GRK7: variants seen among roughly 807,000 people sequenced by gnomAD.
The protein encoded by GRK7 is G protein-coupled receptor kinase 7.
Under a neutral mutation model 34.1 loss-of-function variants are expected in GRK7, and 24 were observed. That is an observed-to-expected ratio of 0.70 (90% CI 0.51 to 0.99). GRK7 has a LOEUF of 0.99. Ranked by LOEUF, GRK7 falls within the 50% of genes least tolerant of loss-of-function variation. The probability of loss-of-function intolerance (pLI) is 0.00; values close to 1 mark genes in which losing one functional copy is unlikely to be tolerated. For synonymous variants in GRK7, 256 were observed against 279.4 expected, an observed-to-expected ratio of 0.92 and a Z score of 0.84; for missense variants, 644 against 707.3, an observed-to-expected ratio of 0.91 and a Z score of 1.02.
At chr3:141,793,360 G>T (rs2084734513) in intron 4 of GRK7, among the ~76,000 whole-genome samples, 1 of 152,178 alleles carries the variant, frequency 6.6e-6, no homozygotes, top group Non-Finnish European at 1.5e-5. Flanking sequence ...TAATGGATTT[G>T]AATTAGAGGA....
Position 141,807,920 on chromosome 3 carries a change from G to GAA in GRK7, c.1325+1_1325+2insAA. On this transcript the variant is annotated splice_donor_variant, in intron 5 of 5. Coordinates refer to ENST00000682958, the MANE Select transcript of GRK7 (RefSeq NM_139209.3). LOFTEE classifies it high-confidence loss of function. ...AACCAGAGCAACGCTTAGGAAGCAG[G>GAA]TAAACTAGCATGTAACAGAGAGGAT... The GAA allele has an allele frequency of 6.4e-7, 1 of 1,574,562 alleles. No homozygotes were observed. The highest frequency in any genetic ancestry group is 1.2e-5 in the South Asian group (1 of 83,498).
intron 2 of GRK7, among the ~76,000 whole-genome samples, chr3:141,775,302 G>A (rs74908497): frequency 1.2e-4 from 18 of 151,892 alleles, no homozygotes; most frequent in Non-Finnish European, 2.4e-4. Flanking sequence ...TGGGAGACTC[G>A]CTTGAGCCCA....
At chr3:141,752,690 A>C in the GRK7 span, among the ~76,000 whole-genome samples, 2 of 152,130 alleles carry the variant, frequency 1.3e-5, no homozygotes, top group Non-Finnish European at 2.9e-5. Flanking sequence ...TATTATTATC[A>C]ACTCTTTCTA....
intron 1 of GRK7, among the ~76,000 whole-genome samples, chr3:141,770,216 CA>C (rs1263529255): frequency 1.3e-5 from 2 of 152,110 alleles, no homozygotes; most frequent in African/African-American, 4.8e-5. Context: ...GTATCAAATC[CA>C]AGGGGCACAT....
At chr3:141,770,565 G>GAA (rs59359078) in intron 1 of GRK7, among the ~76,000 whole-genome samples, 15 of 131,252 alleles carry the variant, frequency 1.1e-4, no homozygotes, top group Admixed American at 1.5e-4. Flanking sequence ...AAAGAAAAAA[G>GAA]AAAAAAAAAA....
chr3:141,751,428 GC>G, the GRK7 span, among the ~76,000 whole-genome samples: 1,618 of 152,290 alleles, frequency 0.011, 28 homozygotes, highest in East Asian at 0.07. Context: ...GGGAATATTA[GC>G]TTTACAACAG....
In GRK7 at chr3:141,816,787, A is replaced by G. The variant is rs369752320; in HGVS notation, c.1399A>G (p.Ile467Val). 6.3e-7 allele frequency: 1 copy of G among 1,596,972 alleles called. No individual in the cohort carries two copies. Among genetic ancestry groups the G allele is most frequent in the Non-Finnish European group, 8.5e-7 (1 of 1,169,824 alleles). The change falls in exon 6 of 6, where the codon ATT (isoleucine) becomes GTT (valine). Residue 467 changes from isoleucine (I) to valine (V), a missense_variant. Transcript: ENST00000682958. ...CTTTCCTCGCCTGGAAGCTGGCCTA[A>G]TTGAACCCCCATTTGTGCCAGACCC... ...INFPRLEAGL[I>V]EPPFVPDPSV...
chr3:141,784,786 A>G (rs1433651275), intron 4 of GRK7, among the ~76,000 whole-genome samples: 2 of 152,162 alleles, frequency 1.3e-5, no homozygotes, highest in African/African-American at 4.8e-5. Context: ...TTAATCTCCA[A>G]TGTGGCAGTG....
chr3:141,813,022 C>G (rs961801186), intron 5 of GRK7, among the ~76,000 whole-genome samples: 1 of 152,164 alleles, frequency 6.6e-6, no homozygotes, highest in African/African-American at 2.4e-5. Flanking sequence ...TAGCTCTATC[C>G]TTCTGCCATG....
intron 1 of GRK7, among the ~76,000 whole-genome samples, chr3:141,774,331 A>G (rs1354626075): frequency 6.6e-6 from 1 of 152,108 alleles, no homozygotes; most frequent in African/African-American, 2.4e-5. Context: ...CTGAGGTAGG[A>G]GGATCCCTTG....
At chr3:141,793,636 C>G (rs1034856074) in intron 4 of GRK7, among the ~76,000 whole-genome samples, 23 of 152,070 alleles carry the variant, frequency 1.5e-4, no homozygotes, top group Admixed American at 1.5e-3. Context: ...CTTGTGTATC[C>G]CTAAGGATGC....
At position 141,775,773 on chromosome 3, in the gene GRK7, T is replaced by A. The variant is rs575707369; in HGVS notation, c.-114+1093T>A. The stretch of plus-strand genomic sequence containing the variant: ...TACTGAGCTAACTAAAATATAACTA[T>A]TAAAGTTAATTTCGCCTGTTTTTTT... On this transcript the variant is annotated intron_variant, in intron 2 of 5. Transcript: ENST00000682958. Among the ~76,000 whole-genome samples the A allele has an allele frequency of 2.6e-5, 4 of 151,402 alleles. No individual in the cohort carries two copies. The South Asian group carries it at 6.3e-4, about 24-fold the overall frequency.
chr3:141,753,038 A>AAGC, the GRK7 span, among the ~76,000 whole-genome samples: 18 of 152,298 alleles, frequency 1.2e-4, no homozygotes, highest in African/African-American at 4.1e-4. Context: ...AACCCAGTCT[A>AAGC]TGGCATTTTG....
chr3:141,767,828 A>G (rs117996950), intron 1 of GRK7, among the ~76,000 whole-genome samples: 1,574 of 152,296 alleles, frequency 0.01, 32 homozygotes, highest in East Asian at 0.082. Context: ...GACAATGCTA[A>G]GTGAAAAGTA....
intron 4 of GRK7, among the ~76,000 whole-genome samples, chr3:141,800,382 A>T (rs1320014884): frequency 1.5e-4 from 2 of 13,632 alleles, no homozygotes; most frequent in Non-Finnish European, 3.8e-4. Flanking sequence ...GTCATTTGTA[A>T]AAAAAAAAAA....
At chr3:141,815,226 G>GTTTTTTTT (rs758074179) in intron 5 of GRK7, among the ~76,000 whole-genome samples, 7 of 104,324 alleles carry the variant, frequency 6.7e-5, no homozygotes, top group African/African-American at 2.8e-4. Flanking sequence ...TGTCTGGTTG[G>GTTTTTTTT]TTTTTTTTGT....
chr3:141,773,812 A>C (rs1046330378), intron 1 of GRK7, among the ~76,000 whole-genome samples: 3 of 152,204 alleles, frequency 2.0e-5, no homozygotes, highest in Non-Finnish European at 2.9e-5. Flanking sequence ...ATCAACATTT[A>C]TTACCTGTTT....
In GRK7 at chr3:141,817,707, TC is replaced by T. The variant is rs1317176059; in HGVS notation, c.*659del. 6.6e-6 allele frequency: 1 copy of T among 152,220 alleles called. No individual in the cohort carries two copies. Among genetic ancestry groups the T allele is most frequent in the East Asian group, 1.9e-4 (1 of 5,196 alleles). The allele number at this position is 152,220 out of a possible 1,614,324, so 9.4% of individuals were successfully genotyped here. A position where few individuals can be genotyped will look rare whatever the true frequency, so the allele number is the denominator to read the frequency against. ...AAAGCATTCTGTAAATTTAGTTGAG[TC>T]CTTTAAGTAATATGGTACAAATTGC... On this transcript the variant is annotated 3_prime_UTR_variant, in exon 6 of 6. Coordinates refer to ENST00000682958, the MANE Select transcript of GRK7 (RefSeq NM_139209.3).
intron 4 of GRK7, among the ~76,000 whole-genome samples, chr3:141,801,330 A>G (rs911890941): frequency 2.6e-5 from 4 of 151,094 alleles, no homozygotes; most frequent in South Asian, 2.1e-4. Flanking sequence ...AAAAAAAAAA[A>G]AAAAGAAATG....
Sources: allele counts gnomAD v4.1 joint callset (sites outside exome capture counted in the v4.1 genomes callset), GRCh38; gene constraint gnomAD v4.1.1; transcripts MANE v1.5; gene names NCBI Gene and HGNC (gene_info 2026-07-23, HGNC 2026-07-21).